ROCK1: variants seen among roughly 807,000 people sequenced by gnomAD.
ROCK1 encodes rho-associated protein kinase 1.
In ROCK1, 36 loss-of-function variants were observed where a neutral mutation model predicts 196.8. The observed-to-expected ratio is 0.18, with a 90% CI of 0.14 to 0.24. The LOEUF (loss-of-function observed/expected upper bound fraction) is 0.24, where lower values mean the gene tolerates loss of function less well. Ranked by LOEUF, ROCK1 falls within the 10% of genes least tolerant of loss-of-function variation. The pLI is 1.00. For synonymous variants in ROCK1, 443 were observed against 515.9 expected (o/e 0.86, Z 1.91); for missense variants, 920 against 1,562.0 (o/e 0.59, Z 6.93).
chr18:21,051,347 A>G (rs1206468738), intron 2 of ROCK1, among the ~76,000 whole-genome samples: 4 of 152,154 alleles, frequency 2.6e-5, no homozygotes, highest in Non-Finnish European at 5.9e-5. Flanking sequence ...CCAGCTACTC[A>G]GGAGGCTGAG....
chr18:20,965,403 ATATACATACAT>A (rs1261566836), intron 27 of ROCK1, among the ~76,000 whole-genome samples: 2 of 130,898 alleles, frequency 1.5e-5, no homozygotes, highest in Non-Finnish European at 3.3e-5. Flanking sequence ...ATACATACAT[ATATACATACAT>A]ACATACATAC....
At chr18:21,034,245 A>T (rs1273283912) in intron 9 of ROCK1, among the ~76,000 whole-genome samples, 2 of 152,190 alleles carry the variant, frequency 1.3e-5, no homozygotes, top group Admixed American at 1.3e-4. Flanking sequence ...TAAAGATTCA[A>T]TGCAATCTCC....
chr18:20,957,619 T>A (rs1204913785), intron 29 of ROCK1, among the ~76,000 whole-genome samples: 1 of 152,076 alleles, frequency 6.6e-6, no homozygotes, highest in Non-Finnish European at 1.5e-5. Context: ...TAGCTGGGAT[T>A]ACAGGCACCT....
rs1250112293 is a variant in ROCK1, at chr18:20,968,814, G to A, written c.2961C>T (p.Ala987=). 37 of 1,609,606 alleles carry A rather than the reference G, an allele frequency of 2.3e-5. No individual in the cohort carries two copies. The highest frequency in any genetic ancestry group is 2.8e-5 in the Non-Finnish European group (33 of 1,176,112). ...KEEEISNLKA[A]FEKNINTERT... ...GTTCAGTGTTGATATTCTTTTCAAA[G>A]GCAGCCTTAAGATTACTGATCTCCT... The change falls in exon 25 of 33, where the codon GCC becomes GCT. Residue 987 remains alanine (A), a synonymous_variant. Transcript: ENST00000399799.
At chr18:21,038,910 A>C (rs536954139) in intron 9 of ROCK1, among the ~76,000 whole-genome samples, 7 of 152,210 alleles carry the variant, frequency 4.6e-5, no homozygotes, top group Non-Finnish European at 8.8e-5. Context: ...TTTTTTAAAA[A>C]GTAAGAAAGT....
At chr18:20,991,994 C>T (rs1202178267) in intron 17 of ROCK1, among the ~76,000 whole-genome samples, 6 of 152,060 alleles carry the variant, frequency 3.9e-5, no homozygotes, top group Non-Finnish European at 8.8e-5. Context: ...GCATCTATAT[C>T]CACATTTACT....
intron 19 of ROCK1, among the ~76,000 whole-genome samples, chr18:20,986,269 C>T (rs1327468241): frequency 6.6e-6 from 1 of 152,150 alleles, no homozygotes; most frequent in Non-Finnish European, 1.5e-5. Context: ...TATCAAGTTC[C>T]TTTTTATGCC....
Position 20,948,166 on chromosome 18 carries a change from A to AT in ROCK1, c.*3217dup, listed in dbSNP as rs2035147860. 1 of 152,224 alleles carries AT rather than the reference A, an allele frequency of 6.6e-6. No individual in the cohort carries two copies. The highest frequency in any genetic ancestry group is 2.4e-5 in the African/African-American group (1 of 41,452). The allele number at this position is 152,224 out of a possible 1,614,324, so 9.4% of individuals were successfully genotyped here. Reference sequence around the variant, plus strand: ...CAAAAGGCCAAGAATAGCCAAGCCAATTGGGAGGGATTACAAAGTTGGACT... The same window carrying AT: ...CAAAAGGCCAAGAATAGCCAAGCCAATTTGGGAGGGATTACAAAGTTGGACT... On this transcript the variant is annotated 3_prime_UTR_variant, in exon 33 of 33. Coordinates refer to ENST00000399799, the MANE Select transcript of ROCK1 (RefSeq NM_005406.3).
chr18:21,020,214 T>G lies in ROCK1; in HGVS notation c.1298A>C (p.Tyr433Ser). The G allele has an allele frequency of 6.3e-7, 1 of 1,594,304 alleles. No homozygotes were observed. Among genetic ancestry groups the G allele is most frequent in the Non-Finnish European group, 8.5e-7 (1 of 1,174,348 alleles). Residue 433 changes from tyrosine (Y) to serine (S), a missense_variant, in exon 12 of 33, where the codon TAT becomes TCT. Coordinates refer to ENST00000399799, the MANE Select transcript of ROCK1 (RefSeq NM_005406.3). ...ATTATGCAGCTGTTCTTCCAGCTTA[T>G]AGATTGTTTTTTGCAAACTTTCCTG... is the stretch of plus-strand genomic sequence containing the variant. ...SLQESLQKTIYKLEEQLHNEM... is the reference protein window; with the variant it reads ...SLQESLQKTISKLEEQLHNEM...
At chr18:21,060,167 G>A (rs1286125783) in intron 2 of ROCK1, among the ~76,000 whole-genome samples, 5 of 152,138 alleles carry the variant, frequency 3.3e-5, no homozygotes, top group Non-Finnish European at 7.3e-5. Flanking sequence ...TCACTGAATT[G>A]TATACTTCAA....
At chr18:21,036,355 T>C (rs1320641025) in intron 9 of ROCK1, among the ~76,000 whole-genome samples, 2 of 152,188 alleles carry the variant, frequency 1.3e-5, no homozygotes, top group African/African-American at 4.8e-5. Context: ...CCACAAACTA[T>C]AGGTTGATTA....
chr18:20,949,327 A>C lies in ROCK1; in HGVS notation c.*2057T>G, dbSNP rs1182849955. 7 of 152,274 alleles carry C rather than the reference A, an allele frequency of 4.6e-5. No individual in the cohort carries two copies. In the East Asian group the frequency reaches 1.4e-3, roughly 29 times the overall value. The allele number at this position is 152,274 out of a possible 1,614,324, so 9.4% of individuals were successfully genotyped here. On this transcript the variant is annotated 3_prime_UTR_variant, in exon 33 of 33. Coordinates refer to ENST00000399799, the MANE Select transcript of ROCK1 (RefSeq NM_005406.3). The stretch of plus-strand genomic sequence containing the variant: ...TCACAGTTTCATGGATCCTGACAAA[A>C]GAGATGAGACCCCTGGGTCAGAGTC...
At chr18:21,025,122 A>G (rs1269986957) in intron 10 of ROCK1, among the ~76,000 whole-genome samples, 1 of 152,228 alleles carries the variant, frequency 6.6e-6, no homozygotes, top group African/African-American at 2.4e-5. Context: ...TCACTTGTAT[A>G]CATCCATTAA....
chr18:21,008,330 G>A (rs1024467031), intron 13 of ROCK1, 136 bp from the exon 14 acceptor site: 10 of 591,382 alleles, frequency 1.7e-5, no homozygotes, highest in South Asian at 2.7e-5. Context: ...TGTTTCAAAC[G>A]CAAATAGTAT....
At chr18:20,968,642 A>G (rs1725393708) in intron 25 of ROCK1, 130 bp downstream of exon 25, 6 of 628,640 alleles carry the variant, frequency 9.5e-6, no homozygotes, top group Middle Eastern at 2.7e-4. Context: ...TTTTATAGTT[A>G]GCGGGGAGAG....
chr18:20,980,668 G>A (rs2035523095), intron 21 of ROCK1, among the ~76,000 whole-genome samples: 1 of 152,116 alleles, frequency 6.6e-6, no homozygotes, highest in Admixed American at 6.5e-5. Flanking sequence ...TGTAATCCCA[G>A]CACTTTGGGA....
At chr18:21,006,327 TACC>T in intron 16 of ROCK1, 21 bp downstream of exon 16, 1 of 1,576,650 alleles carries the variant, frequency 6.3e-7, no homozygotes, top group Non-Finnish European at 8.6e-7. Context: ...ACGTATATTT[TACC>T]ACAATAAGAA....
intron 9 of ROCK1, among the ~76,000 whole-genome samples, chr18:21,033,687 C>T (rs1280320748): frequency 6.6e-6 from 1 of 150,804 alleles, no homozygotes; most frequent in Non-Finnish European, 1.5e-5. Context: ...TAGCAATAAA[C>T]AATATGAAAA....
chr18:21,026,235 G>A (rs1231492711), intron 10 of ROCK1, among the ~76,000 whole-genome samples: 8 of 151,834 alleles, frequency 5.3e-5, no homozygotes, highest in African/African-American at 9.7e-5. Flanking sequence ...ACCTGAGGTC[G>A]GGAGTTCGAG....
Sources: gnomAD v4.1 joint callset for allele counts (sites outside exome capture counted in the v4.1 genomes callset) on GRCh38, gnomAD v4.1.1 for gene constraint, MANE v1.5 for transcripts, NCBI Gene and HGNC (gene_info 2026-07-23, HGNC 2026-07-21) for gene names.